The following VIL1 variants were observed in gnomAD, a reference collection of about 807,000 sequenced individuals.
VIL1 encodes the protein villin 1.
A neutral mutation model predicts 104.0 loss-of-function variants in VIL1; 86 were observed. That is an observed-to-expected ratio of 0.83 (90% CI 0.69 to 0.99). The LOEUF is 0.99. VIL1 is among the 50% of genes least tolerant of loss of function. VIL1 has a pLI of 0.00. For synonymous variants in VIL1, 394 were observed against 412.6 expected (o/e 0.95, Z 0.55); for missense variants, 944 against 1,054.1 (o/e 0.90, Z 1.45).
Position 218,449,755 on chromosome 2 carries a change from C to T in VIL1, c.*419C>T, listed in dbSNP as rs1486395880. On this transcript the variant is annotated 3_prime_UTR_variant, in exon 20 of 20. Coordinates refer to ENST00000248444, the MANE Select transcript of VIL1 (RefSeq NM_007127.3). ...GTTTACATCTTCCCCAGAGTAACAG[C>T]TTTTCCTTTTCACATATACTTTCCT... 1 of 175,858 alleles carries T rather than the reference C, an allele frequency of 5.7e-6. No individual in the cohort carries two copies. The highest frequency in any genetic ancestry group is 2.4e-5 in the African/African-American group (1 of 42,406). The allele number at this position is 175,858 out of a possible 1,614,324, so 10.9% of individuals were successfully genotyped here. A position where few individuals can be genotyped will look rare whatever the true frequency, so the allele number is the denominator to read the frequency against.
rs1020214590 is a variant in VIL1, at chr2:218,436,613, A to G, written c.1958A>G (p.Asp653Gly). 1 of 1,613,950 alleles carries G rather than the reference A, an allele frequency of 6.2e-7. No homozygotes were observed. The highest frequency in any genetic ancestry group is 1.7e-4 in the Middle Eastern group (1 of 6,060). Residue 653 changes from aspartate to glycine, a missense_variant, in exon 16 of 20, where the codon GAT becomes GGT. By Grantham distance (94) the Asp-to-Gly change is moderately conservative. Transcript: ENST00000248444. Reference sequence around the variant, plus strand: ...GAAGAGGATGATGTGTTCCTACTAGATGTCTGGGACCAGGTAGGACCAAGG... The same window carrying G: ...GAAGAGGATGATGTGTTCCTACTAGGTGTCTGGGACCAGGTAGGACCAAGG... ...DLEEDDVFLL[D>G]VWDQVFFWIG...
intron 15 of VIL1, among the ~76,000 whole-genome samples, chr2:218,435,845 GTTTTT>G (rs1689179444): frequency 1.3e-5 from 2 of 152,110 alleles, no homozygotes; most frequent in Admixed American, 1.3e-4. Context: ...GTTTTGTTTT[GTTTTT>G]GTGACAGAGT....
chr2:218,427,973 A>G lies in VIL1; in HGVS notation c.356A>G (p.Lys119Arg). Residue 119 changes from lysine to arginine, a missense_variant, in exon 5 of 20, where the codon AAA becomes AGA. Physicochemically the swap from Lys to Arg is conservative, Grantham distance 26. Coordinates refer to ENST00000248444, the MANE Select transcript of VIL1 (RefSeq NM_007127.3). ...GYFKQGLVIR[K>R]GGVASGMKHV... Reference sequence around the variant, plus strand: ...CTCACCTCTCTTCTCAGGATCCGGAAAGGGGGCGTGGCTTCTGGCATGAAG... The same window carrying G: ...CTCACCTCTCTTCTCAGGATCCGGAGAGGGGGCGTGGCTTCTGGCATGAAG... 1 of 1,613,944 alleles carries G rather than the reference A, an allele frequency of 6.2e-7. No homozygotes were observed. The highest frequency in any genetic ancestry group is 8.5e-7 in the Non-Finnish European group (1 of 1,179,958).
chr2:218,439,185 C>A (rs1201269210), intron 18 of VIL1, among the ~76,000 whole-genome samples: 1 of 151,830 alleles, frequency 6.6e-6, no homozygotes, highest in African/African-American at 2.4e-5. Context: ...CCAGCCTCGG[C>A]CTCCCAAAGT....
chr2:218,442,412 GC>G (rs1334473643), intron 19 of VIL1, among the ~76,000 whole-genome samples: 1 of 152,184 alleles, frequency 6.6e-6, no homozygotes, highest in Non-Finnish European at 1.5e-5. Flanking sequence ...GGTTAGCACA[GC>G]AAGAAGAGCT....
Position 218,427,997 on chromosome 2 carries a change from A to G in VIL1, c.380A>G (p.Lys127Arg). The G allele has an allele frequency of 1.2e-6, 2 of 1,614,130 alleles. No homozygotes were observed. The highest frequency in any genetic ancestry group is 1.7e-6 in the Non-Finnish European group (2 of 1,180,012). ...IRKGGVASGM[K>R]HVETNSYDVQ... ...AAAGGGGGCGTGGCTTCTGGCATGA[A>G]GCACGTGGAGACCAACTCCTATGAC... is the stretch of plus-strand genomic sequence containing the variant. The change falls in exon 5 of 20, where the codon AAG becomes AGG. Residue 127 changes from lysine to arginine, a missense_variant. Transcript: ENST00000248444.
intron 12 of VIL1, 143 bp downstream of exon 12, chr2:218,432,326 G>A (rs758969307): frequency 4.6e-6 from 6 of 1,312,514 alleles, no homozygotes; most frequent in African/African-American, 1.5e-5. Context: ...CTTTGGCTAT[G>A]AGGTCCCGCT....
At chr2:218,446,760 C>CTTT (rs71064450) in intron 19 of VIL1, among the ~76,000 whole-genome samples, 6,540 of 124,910 alleles carry the variant, frequency 0.052, 747 homozygotes, top group African/African-American at 0.14. Context: ...GTGACCTTGA[C>CTTT]TTTTTTTTTT....
chr2:218,447,148 T>C (rs912902011), intron 19 of VIL1, among the ~76,000 whole-genome samples: 1 of 152,166 alleles, frequency 6.6e-6, no homozygotes, highest in Non-Finnish European at 1.5e-5. Flanking sequence ...CACAGCAGTA[T>C]ATGGAAATTA....
intron 8 of VIL1, 79 bp from the exon 9 acceptor site, chr2:218,429,770 G>A: frequency 1.3e-6 from 2 of 1,591,698 alleles, no homozygotes; most frequent in Non-Finnish European, 1.7e-6. Flanking sequence ...GGCCTGGGAG[G>A]GAGAGACTTT....
chr2:218,434,868 T>A (rs764762471), intron 14 of VIL1, among the ~76,000 whole-genome samples, 163 bp downstream of exon 14: 2 of 152,212 alleles, frequency 1.3e-5, no homozygotes, highest in Non-Finnish European at 2.9e-5. Context: ...TCAGTAGCTC[T>A]GGGTCTATCC....
intron 19 of VIL1, among the ~76,000 whole-genome samples, chr2:218,441,347 C>T (rs1341918547): frequency 6.6e-6 from 1 of 151,472 alleles, no homozygotes; most frequent in Non-Finnish European, 1.5e-5. Context: ...CAAGATCATG[C>T]CACTGCACTC....
chr2:218,447,997 T>C (rs567641034), intron 19 of VIL1, among the ~76,000 whole-genome samples: 1 of 152,248 alleles, frequency 6.6e-6, no homozygotes, highest in African/African-American at 2.4e-5. Context: ...TGGTGGCTCA[T>C]GCTTATAATC....
intron 13 of VIL1, 130 bp downstream of exon 13, chr2:218,433,081 G>T: frequency 1.8e-6 from 2 of 1,138,686 alleles, no homozygotes; most frequent in Non-Finnish European, 2.5e-6. Flanking sequence ...AGACTACCCT[G>T]GAGGTTCTAT....
chr2:218,445,554 C>G (rs933868932), intron 19 of VIL1, among the ~76,000 whole-genome samples: 1 of 152,024 alleles, frequency 6.6e-6, no homozygotes, highest in Admixed American at 6.6e-5. Context: ...ACTGGAGCAT[C>G]AGACCCCCCT....
At chr2:218,420,428 C>CAAAAAAAAAAAAAAAAAAAAAAAAAA (rs71064447) in intron 1 of VIL1, among the ~76,000 whole-genome samples, 1 of 80,226 alleles carries the variant, frequency 1.2e-5, no homozygotes, top group African/African-American at 5.3e-5. Context: ...GACTCTGTCT[C>CAAAAAAAAAAAAAAAAAAAAAAAAAA]AAAAAAAAAA....
intron 15 of VIL1, 143 bp from the exon 16 acceptor site, chr2:218,436,339 G>A: frequency 9.1e-7 from 1 of 1,101,718 alleles, no homozygotes; most frequent in Non-Finnish European, 1.3e-6. Flanking sequence ...AATGAGAGGG[G>A]ACCCTTTTAT....
At chr2:218,425,107 G>A (rs1480960296) in intron 3 of VIL1, among the ~76,000 whole-genome samples, 1 of 151,920 alleles carries the variant, frequency 6.6e-6, no homozygotes, top group African/African-American at 2.4e-5. Flanking sequence ...TTGAGACAGA[G>A]TCTCGCTCTG....
At chr2:218,437,606 C>T (rs778912252) in intron 17 of VIL1, among the ~76,000 whole-genome samples, 13 of 152,210 alleles carry the variant, frequency 8.5e-5, no homozygotes, top group Non-Finnish European at 1.5e-4. Context: ...TAAAATTAAA[C>T]ACAGTTCAAA....
Sources: gnomAD v4.1 joint callset for allele counts (sites outside exome capture counted in the v4.1 genomes callset) on GRCh38, gnomAD v4.1.1 for gene constraint, MANE v1.5 for transcripts, NCBI Gene and HGNC (gene_info 2026-07-23, HGNC 2026-07-21) for gene names.